RO60: variants seen among roughly 807,000 people sequenced by gnomAD.
RO60 encodes the protein Ro60, Y RNA binding protein.
In RO60, 20 loss-of-function variants were observed where a neutral mutation model predicts 55.3. The observed-to-expected ratio is 0.36, with a 90% CI of 0.25 to 0.53. RO60 has a LOEUF of 0.53. Among genes scored for constraint, RO60 ranks in the 20% least tolerant of loss-of-function variants. RO60 has a pLI of 0.92. For synonymous variants in RO60, 213 were observed against 213.6 expected, an observed-to-expected ratio of 1.00 and a Z score of 0.02; for missense variants, 558 against 646.6, an observed-to-expected ratio of 0.86 and a Z score of 1.49.
At chr1:193,073,282 T>C (rs969989293) in intron 2 of RO60, among the ~76,000 whole-genome samples, 2 of 152,236 alleles carry the variant, frequency 1.3e-5, no homozygotes, top group Admixed American at 6.5e-5. Context: ...GAGAAGTTCC[T>C]GCATGTTAGT....
At position 193,082,568 on chromosome 1, in the gene RO60, G is replaced by C. The variant is rs56201954; in HGVS notation, c.1324G>C (p.Ala442Pro). 7 of 1,613,748 alleles carry C rather than the reference G, an allele frequency of 4.3e-6. No homozygotes were observed. The East Asian group carries it at 1.3e-4, about 31-fold the overall frequency. ...QVLMAMSQIP[A>P]GGTDCSLPMI... ...TGCTTTTGTTCCGAATTAGATCCCA[G>C]CAGGTGGAACTGATTGCTCTCTTCC... The change falls in exon 8 of 9, where the codon GCA becomes CCA. Residue 442 changes from alanine to proline, a missense_variant. Coordinates refer to ENST00000400968, the MANE Select transcript of RO60 (RefSeq NM_001173524.2).
In RO60 at chr1:193,079,961, T is replaced by TAAA. The variant is rs754439147; in HGVS notation, c.1087-1385_1087-1383dup. Among the ~76,000 whole-genome samples, 31 of 115,630 alleles carry TAAA rather than the reference T, an allele frequency of 2.7e-4. No homozygotes were observed. In the East Asian group the frequency reaches 7.2e-3, roughly 27 times the overall value. 75.9% of individuals were successfully genotyped at this position (115,630 alleles called of 152,430 possible). A position where few individuals can be genotyped will look rare whatever the true frequency, so the allele number is the denominator to read the frequency against. On this transcript the variant is annotated intron_variant, in intron 5 of 8. Coordinates refer to ENST00000400968, the MANE Select transcript of RO60 (RefSeq NM_001173524.2). The stretch of plus-strand genomic sequence containing the variant: ...GGCCAACATGGTGATACCCCGTCTC[T>TAAA]AAAAAAAAAAAAAAAAAAAATTAGC...
At chr1:193,082,533 T>C (rs766234683) in intron 7 of RO60, 29 bp from the exon 8 acceptor site, 3 of 1,610,440 alleles carry the variant, frequency 1.9e-6, no homozygotes, top group African/African-American at 2.7e-5. Context: ...TTTATTTACT[T>C]ATTTATTCAT....
rs756996124 is a variant in RO60 at position 193,059,691 on chromosome 1, G to C, written c.-107G>C. 1 of 1,360,688 alleles carries C rather than the reference G, an allele frequency of 7.3e-7. No individual in the cohort carries two copies. Among genetic ancestry groups the C allele is most frequent in the Non-Finnish European group, 9.8e-7 (1 of 1,020,828 alleles). 84.3% of individuals were successfully genotyped at this position (1,360,688 alleles called of 1,614,324 possible). A position where few individuals can be genotyped will look rare whatever the true frequency, so the allele number is the denominator to read the frequency against. The stretch of plus-strand genomic sequence containing the variant: ...TTGCTGTGGCTGTCGCTGCCCGTCA[G>C]GCTGCCTTCTTTTGTCGTTTCCCAG... On this transcript the variant is annotated 5_prime_UTR_variant, in exon 1 of 9. Transcript: ENST00000400968. This position sits in a 1 kb window ranked among gnomAD's most constrained non-coding sequence, Gnocchi z 4.9.
intron 8 of RO60, 125 bp from the exon 9 acceptor site, chr1:193,084,454 C>CG (rs1674526189): frequency 3.4e-6 from 4 of 1,159,846 alleles, no homozygotes; most frequent in Non-Finnish European, 4.7e-6. Flanking sequence ...GATTGACCCC[C>CG]GCAAAAAAAT....
At chr1:193,068,672 G>A (rs1673278527) in intron 1 of RO60, among the ~76,000 whole-genome samples, 2 of 152,030 alleles carry the variant, frequency 1.3e-5, no homozygotes, top group South Asian at 2.1e-4. Flanking sequence ...AAAATGTGAC[G>A]CCTTAGTTGC....
rs1673927591 is a variant in RO60, at chr1:193,076,484, CT to C, written c.802-16del. 1 of 1,604,248 alleles carries C rather than the reference CT, an allele frequency of 6.2e-7. No homozygotes were observed. Among genetic ancestry groups the C allele is most frequent in the Non-Finnish European group, 8.5e-7 (1 of 1,176,880 alleles). On this transcript the variant is annotated splice_polypyrimidine_tract_variant and intron_variant, in intron 3 of 8. Coordinates refer to ENST00000400968, the MANE Select transcript of RO60 (RefSeq NM_001173524.2). ...TTCCCTTAATTCCTGGTATTTCTGC[CT>C]ATGTTATTGCAATAGGTATGGAAGG...
downstream of RO60, chr1:193,091,628 G>A (rs776025745): frequency 1.3e-6 from 2 of 1,599,040 alleles, no homozygotes; most frequent in Non-Finnish European, 1.7e-6. Context: ...CTGATACTGT[G>A]AAATCCTTTC....
chr1:193,061,958 T>A (rs1288300557), intron 1 of RO60, among the ~76,000 whole-genome samples: 1 of 148,884 alleles, frequency 6.7e-6, no homozygotes, highest in African/African-American at 2.5e-5. Context: ...CACTCCAGCC[T>A]GGGTGACAGA....
chr1:193,069,745 T>C, intron 2 of RO60, 111 bp downstream of exon 2: 1 of 851,686 alleles, frequency 1.2e-6, no homozygotes, highest in Non-Finnish European at 1.7e-6. Flanking sequence ...AATAGCCTTT[T>C]ATTCTCAAAA....
At chr1:193,061,286 A>C (rs968956044) in intron 1 of RO60, among the ~76,000 whole-genome samples, 2 of 152,204 alleles carry the variant, frequency 1.3e-5, no homozygotes, top group Non-Finnish European at 2.9e-5. Flanking sequence ...GGATTCAGAT[A>C]CCTGTATCAT....
At position 193,085,068 on chromosome 1, in the gene RO60, C is replaced by G. The variant is rs1674564291; in HGVS notation, c.*337C>G. 6.6e-6 allele frequency: 10 copies of G among 1,507,362 alleles called. No homozygotes were observed. Among genetic ancestry groups the G allele is most frequent in the East Asian group, 4.9e-5 (2 of 40,688 alleles). The allele number at this position is 1,507,362 out of a possible 1,614,324, so 93.4% of individuals were successfully genotyped here. A position where few individuals can be genotyped will look rare whatever the true frequency, so the allele number is the denominator to read the frequency against. On this transcript the variant is annotated 3_prime_UTR_variant, in exon 9 of 9. Transcript: ENST00000400968. Reference sequence around the variant, plus strand: ...AAGAGCAAAAAGTGTAATTCCACATCATGTTACTTGAGAAGTGCTTAACGT... The same window carrying G: ...AAGAGCAAAAAGTGTAATTCCACATGATGTTACTTGAGAAGTGCTTAACGT...
intron 2 of RO60, among the ~76,000 whole-genome samples, chr1:193,074,606 T>G (rs904603889): frequency 2.0e-5 from 3 of 152,244 alleles, no homozygotes; most frequent in Non-Finnish European, 4.4e-5. Flanking sequence ...TAAATTTGTT[T>G]GAGTTCTTTG....
chr1:193,079,756 A>G (rs1674172546), intron 5 of RO60, among the ~76,000 whole-genome samples: 1 of 152,208 alleles, frequency 6.6e-6, no homozygotes. Context: ...CAAATTCAGC[A>G]AAAGTACAAA....
intron 6 of RO60, among the ~76,000 whole-genome samples, chr1:193,081,960 G>T (rs997307337): frequency 4.6e-5 from 7 of 152,100 alleles, no homozygotes; most frequent in Non-Finnish European, 1.0e-4. Context: ...CTAATGAAAT[G>T]AGAAGAATAT....
intron 2 of RO60, among the ~76,000 whole-genome samples, chr1:193,073,541 C>G (rs1366220221): frequency 6.6e-6 from 1 of 152,098 alleles, no homozygotes; most frequent in Non-Finnish European, 1.5e-5. Context: ...GTCACCACAC[C>G]CTAACAACTC....
Position 193,084,655 on chromosome 1 carries a change from G to T in RO60, c.1541G>T (p.Arg514Ile). 6.2e-7 allele frequency: 1 copy of T among 1,613,952 alleles called. No homozygotes were observed. Among genetic ancestry groups the T allele is most frequent in the Non-Finnish European group, 8.5e-7 (1 of 1,179,936 alleles). Residue 514 changes from arginine to isoleucine, a missense_variant, in exon 9 of 9, where the codon AGA (arginine) becomes ATA (isoleucine). Coordinates refer to ENST00000400968, the MANE Select transcript of RO60 (RefSeq NM_001173524.2). ...TTCACCATTGCAGACCCAGATGATA[G>T]AGGCATGTTGGATATGTGCGGCTTT... ...NGFTIADPDD[R>I]GMLDMCGFDT...
intron 2 of RO60, among the ~76,000 whole-genome samples, chr1:193,073,594 G>A (rs1572081662): frequency 6.6e-6 from 1 of 151,898 alleles, no homozygotes; most frequent in African/African-American, 2.4e-5. Context: ...GTTTGTTTGA[G>A]ACAGAGTCTC....
At chr1:193,079,081 C>CTTTTTTTT (rs745317535) in intron 5 of RO60, among the ~76,000 whole-genome samples, 11 of 85,952 alleles carry the variant, frequency 1.3e-4, no homozygotes, top group South Asian at 4.8e-4. Flanking sequence ...GTTCAGTTGA[C>CTTTTTTTT]TTTTTTTTTT....
Sources: gnomAD v4.1 joint callset for allele counts (sites outside exome capture counted in the v4.1 genomes callset) on GRCh38, gnomAD v4.1.1 for gene constraint, Gnocchi (gnomAD v3.1) non-coding constraint, MANE v1.5 for transcripts, NCBI Gene and HGNC (gene_info 2026-07-23, HGNC 2026-07-21) for gene names.